CEP192: variants seen among roughly 807,000 people sequenced by gnomAD.
CEP192 encodes the protein centrosomal protein 192.
Under a neutral mutation model 271.8 loss-of-function variants are expected in CEP192, and 151 were observed. The observed-to-expected ratio is 0.56, with a 90% CI of 0.49 to 0.64. CEP192 has a LOEUF of 0.64. CEP192 is among the 30% of genes least tolerant of loss of function. CEP192 has a pLI of 0.00. For missense variants in CEP192, 2,910 were observed against 3,020.5 expected (o/e 0.96, Z 0.86); for synonymous variants, 995 against 1,076.5 (o/e 0.92, Z 1.48).
At chr18:13,090,506 G>A (rs59385500) in intron 33 of CEP192, among the ~76,000 whole-genome samples, 11,285 of 152,116 alleles carry the variant, frequency 0.074, 495 homozygotes, top group South Asian at 0.19. Flanking sequence ...TTTTAGTGAT[G>A]GAATGTATTT....
intron 36 of CEP192, among the ~76,000 whole-genome samples, chr18:13,097,182 A>C (rs2039440899): frequency 1.3e-5 from 2 of 152,136 alleles, no homozygotes; most frequent in Non-Finnish European, 2.9e-5. Context: ...CCTTTCAGCT[A>C]ATGGTAGAAC....
chr18:13,053,064 A>G lies in CEP192; in HGVS notation c.3163A>G (p.Thr1055Ala). 1 of 1,611,916 alleles carries G rather than the reference A, an allele frequency of 6.2e-7. No homozygotes were observed. Among genetic ancestry groups the G allele is most frequent in the Admixed American group, 1.7e-5 (1 of 59,582 alleles). ...EPESSYPTTATDDALEDRKSD... is the reference protein window; with the variant it reads ...EPESSYPTTAADDALEDRKSD... ...AGAGAGCTCCTATCCTACCACAGCC[A>G]CAGATGATGCCCTGGAGGACCGCAA... The change falls in exon 18 of 45, where the codon ACA (threonine) becomes GCA (alanine). Residue 1055 changes from threonine (T) to alanine (A), a missense_variant. Thr to Ala is a moderately conservative substitution (Grantham distance 58, BLOSUM62 0). Transcript: ENST00000506447.
At chr18:13,071,781 G>C (rs1297734783) in intron 28 of CEP192, among the ~76,000 whole-genome samples, 1 of 151,994 alleles carries the variant, frequency 6.6e-6, no homozygotes, top group African/African-American at 2.4e-5. Context: ...ATCTCTGGAA[G>C]AAACATCTCT....
chr18:13,008,499 T>C lies in CEP192; in HGVS notation c.334T>C (p.Ser112Pro), dbSNP rs1409938575. The change falls in exon 4 of 45, where the codon TCA (serine) becomes CCA (proline). Residue 112 changes from serine to proline, a missense_variant. Physicochemically the swap from Ser to Pro is moderately conservative, Grantham distance 74. Transcript: ENST00000506447. ...GAGCTATGTGGAAAGTCAACGTTTG[T>C]CAAATGCTCTCAGCAAACAGTCAGC... ...KKSYVESQRL[S>P]NALSKQSALQ... 1 of 1,551,150 alleles carries C rather than the reference T, an allele frequency of 6.4e-7. No individual in the cohort carries two copies. Among genetic ancestry groups the C allele is most frequent in the East Asian group, 2.4e-5 (1 of 40,924 alleles).
chr18:13,056,525 T>C lies in CEP192; in HGVS notation c.3935T>C (p.Ile1312Thr). 6.2e-7 allele frequency: 1 copy of C among 1,614,166 alleles called. No individual in the cohort carries two copies. Among genetic ancestry groups the C allele is most frequent in the East Asian group, 2.2e-5 (1 of 44,862 alleles). The change falls in exon 19 of 45, where the codon ATT becomes ACT. Residue 1312 changes from isoleucine (I) to threonine (T), a missense_variant. Transcript: ENST00000506447. ...GTGCAGAACTCTGTGGCTGTGGGAA[T>C]TTGTCTAGGATCAAATATCGGCTCT... The part of the protein sequence containing the change: ...EPVQNSVAVG[I>T]CLGSNIGSGW...
At chr18:13,001,763 G>A (rs2033660033) in intron 3 of CEP192, among the ~76,000 whole-genome samples, 181 bp downstream of exon 3, 1 of 152,186 alleles carries the variant, frequency 6.6e-6, no homozygotes, top group Admixed American at 6.5e-5. Context: ...TAGTGCAATG[G>A]TGTGATCTCA....
Position 13,116,502 on chromosome 18 carries a change from CAGTA to C in CEP192, c.7416+3_7416+6del. The C allele has an allele frequency of 6.3e-7, 1 of 1,596,322 alleles. No individual in the cohort carries two copies. Among genetic ancestry groups the C allele is most frequent in the Non-Finnish European group, 8.5e-7 (1 of 1,173,990 alleles). ...CGAAATAATTCTTTTATTACACACT[CAGTA>C]AGTTGGAAATATTACTATGGGTTTT... On this transcript the variant is annotated splice_donor_variant and splice_donor_region_variant and coding_sequence_variant and intron_variant, in exon 43 of 45. Transcript: ENST00000506447. LOFTEE classifies it high-confidence loss of function.
chr18:13,034,754 G>A (rs545169074), intron 11 of CEP192, among the ~76,000 whole-genome samples: 1 of 150,236 alleles, frequency 6.7e-6, no homozygotes, highest in South Asian at 2.1e-4. Context: ...AGAAGGCAGA[G>A]CTTGCAGTGA....
chr18:13,002,806 C>T (rs1039013763), intron 3 of CEP192, among the ~76,000 whole-genome samples: 8 of 150,456 alleles, frequency 5.3e-5, no homozygotes, highest in South Asian at 2.1e-4. Context: ...TTTGTATTTG[C>T]GTATTTATGG....
chr18:13,095,560 C>G lies in CEP192; in HGVS notation c.6312C>G (p.Val2104=). 1 of 1,614,166 alleles carries G rather than the reference C, an allele frequency of 6.2e-7. No homozygotes were observed. Residue 2104 remains valine (V), a synonymous_variant, in exon 35 of 45, where the codon GTC becomes GTG. Coordinates refer to ENST00000506447, the MANE Select transcript of CEP192 (RefSeq NM_032142.4). ...GGNVSLDVLP[V]KGPQGSPLLS... ...ACGTCTCTTTGGATGTTTTACCAGTCAAAGGTCCTCAGGGTTCTCCTCTTC... is the reference window on the plus strand; with the variant it reads ...ACGTCTCTTTGGATGTTTTACCAGTGAAAGGTCCTCAGGGTTCTCCTCTTC...
At chr18:13,106,161 A>G (rs1037184136) in intron 40 of CEP192, among the ~76,000 whole-genome samples, 1 of 152,194 alleles carries the variant, frequency 6.6e-6, no homozygotes, top group Non-Finnish European at 1.5e-5. Flanking sequence ...TTTATACTAT[A>G]GAATAATTAC....
intron 18 of CEP192, among the ~76,000 whole-genome samples, 182 bp downstream of exon 18, chr18:13,053,272 A>G (rs1360638145): frequency 1.3e-5 from 2 of 152,214 alleles, no homozygotes; most frequent in Non-Finnish European, 2.9e-5. Flanking sequence ...ACACAGAGGT[A>G]CAAACATTTT....
At position 13,048,909 on chromosome 18, in the gene CEP192, A is replaced by G. The variant is rs771031298; in HGVS notation, c.2118A>G (p.Pro706=). 3.1e-6 allele frequency: 5 copies of G among 1,613,432 alleles called. No individual in the cohort carries two copies. Among genetic ancestry groups the G allele is most frequent in the Non-Finnish European group, 4.2e-6 (5 of 1,179,478 alleles). The change falls in exon 16 of 45, where the codon CCA becomes CCG. Residue 706 remains proline, a synonymous_variant. Transcript: ENST00000506447. The part of the protein sequence containing the change: ...NKPQRYKDKL[P]DSGDSMLRIS... ...CCCAAAGATACAAAGACAAGCTACC[A>G]GATAGTGGTGATTCTATGCTTAGGA...
chr18:13,009,936 A>G (rs1409115235), intron 4 of CEP192, among the ~76,000 whole-genome samples: 1 of 152,132 alleles, frequency 6.6e-6, no homozygotes. Flanking sequence ...AGGTGGGTGA[A>G]TGGCTTGAGC....
intron 40 of CEP192, 136 bp from the exon 41 acceptor site, chr18:13,113,450 A>AT: frequency 1.2e-6 from 1 of 825,158 alleles, no homozygotes. Context: ...AATTCTTTCA[A>AT]TTAATGGCAA....
chr18:13,091,359 C>G (rs1299137573), intron 33 of CEP192, among the ~76,000 whole-genome samples: 11 of 152,088 alleles, frequency 7.2e-5, no homozygotes, highest in Non-Finnish European at 1.6e-4. Flanking sequence ...CTTTGGGACA[C>G]CAGAATTTCA....
rs1246060615 is a variant in CEP192, at chr18:13,056,008, C to CCTT, written c.3420_3422dup (p.Ser1142dup). On this transcript the variant is annotated inframe_insertion, in exon 19 of 45. Coordinates refer to ENST00000506447, the MANE Select transcript of CEP192 (RefSeq NM_032142.4). ...ACCTGACTTTAGATGGAGTAAAGAT[C>CCTT]CTTCCTCCAAAAGTGGAAATCTGTT... 1 of 1,614,072 alleles carries CCTT rather than the reference C, an allele frequency of 6.2e-7. No homozygotes were observed. Among genetic ancestry groups the CCTT allele is most frequent in the African/African-American group, 1.3e-5 (1 of 74,916 alleles).
At chr18:13,069,972 G>T (rs970968952) in intron 27 of CEP192, 116 bp downstream of exon 27, 2 of 603,704 alleles carry the variant, frequency 3.3e-6, no homozygotes, top group Non-Finnish European at 5.9e-6. Context: ...ACCAGCTTGG[G>T]CAACATGGCG....
intron 9 of CEP192, chr18:13,024,463 A>G (rs1016264204): frequency 8.9e-6 from 3 of 337,096 alleles, no homozygotes; most frequent in Admixed American, 4.0e-5. Flanking sequence ...TTGTTTGTTT[A>G]TTTATTTATT....
Sources: allele counts gnomAD v4.1 joint callset (sites outside exome capture counted in the v4.1 genomes callset), GRCh38; gene constraint gnomAD v4.1.1; transcripts MANE v1.5; gene names NCBI Gene and HGNC (gene_info 2026-07-23, HGNC 2026-07-21).